The following NEO1 variants were observed in gnomAD, a reference collection of about 807,000 sequenced individuals.
NEO1 encodes the protein neogenin 1, also known as neogenin.
A neutral mutation model predicts 159.7 loss-of-function variants in NEO1; 63 were observed. The observed-to-expected ratio is 0.39, with a 90% CI of 0.32 to 0.49. NEO1 has a LOEUF of 0.49. NEO1 is among the 20% of genes least tolerant of loss of function. The probability of loss-of-function intolerance (pLI) is 0.85; values close to 1 mark genes in which losing one functional copy is unlikely to be tolerated. For missense variants in NEO1, 1,615 were observed against 1,831.0 expected, an observed-to-expected ratio of 0.88 and a Z score of 2.15; for synonymous variants, 633 against 662.0, an observed-to-expected ratio of 0.96 and a Z score of 0.67.
chr15:73,293,013 A>T (rs1361395452), intron 25 of NEO1, among the ~76,000 whole-genome samples: 1 of 152,244 alleles, frequency 6.6e-6, no homozygotes, highest in Non-Finnish European at 1.5e-5. Context: ...TTTGTGACAT[A>T]TTCAAATAGA....
At chr15:73,085,128 A>G (rs1288688265) in intron 1 of NEO1, among the ~76,000 whole-genome samples, 1 of 152,074 alleles carries the variant, frequency 6.6e-6, no homozygotes, top group East Asian at 1.9e-4. Flanking sequence ...CCCTTATGCC[A>G]GCTTTTTGTA....
Position 73,302,698 on chromosome 15 carries a change from G to A in NEO1, c.*2G>A, listed in dbSNP as rs528635559. ...CTAAACGCTATCACAACAGCATGACGACCTTCACCAGGACCTGACTTCAAA... is the reference window on the plus strand; with the variant it reads ...CTAAACGCTATCACAACAGCATGACAACCTTCACCAGGACCTGACTTCAAA... On this transcript the variant is annotated 3_prime_UTR_variant, in exon 29 of 29. Transcript: ENST00000261908. 5 of 1,613,480 alleles carry A rather than the reference G, an allele frequency of 3.1e-6. No homozygotes were observed. Among genetic ancestry groups the A allele is most frequent in the South Asian group, 2.2e-5 (2 of 90,934 alleles).
In NEO1 at chr15:73,294,388, G is replaced by A. The variant is rs546152499; in HGVS notation, c.3901+840G>A. ...ACCATTTGAAACTTGCCTATTAATAGTTATTATGTTACTGATAGAACTGAG... is the reference window on the plus strand; with the variant it reads ...ACCATTTGAAACTTGCCTATTAATAATTATTATGTTACTGATAGAACTGAG... On this transcript the variant is annotated intron_variant, in intron 26 of 28. Coordinates refer to ENST00000261908, the MANE Select transcript of NEO1 (RefSeq NM_002499.4). Among the ~76,000 whole-genome samples the A allele has an allele frequency of 5.9e-5, 9 of 152,230 alleles. No individual in the cohort carries two copies. The South Asian group carries it at 1.9e-3, about 32-fold the overall frequency.
intron 1 of NEO1, among the ~76,000 whole-genome samples, chr15:73,058,615 T>C (rs1248024109): frequency 6.6e-6 from 1 of 152,204 alleles, no homozygotes; most frequent in Non-Finnish European, 1.5e-5. Flanking sequence ...GTTCCATTTA[T>C]TGCAGAAAAG....
intron 23 of NEO1, among the ~76,000 whole-genome samples, 164 bp from the exon 24 acceptor site, chr15:73,288,149 C>CTTGTTGTTG (rs150219014): frequency 6.6e-6 from 1 of 151,728 alleles, no homozygotes; most frequent in Non-Finnish European, 1.5e-5. Flanking sequence ...CAGGAGCAAA[C>CTTGTTGTTG]TTGTTGTTGT....
intron 5 of NEO1, among the ~76,000 whole-genome samples, chr15:73,151,746 G>A (rs2033390657): frequency 6.6e-6 from 1 of 152,188 alleles, no homozygotes; most frequent in South Asian, 2.1e-4. Flanking sequence ...CCCACAACAT[G>A]TGGGGATTAT....
At chr15:73,201,412 A>G (rs1289959980) in intron 7 of NEO1, among the ~76,000 whole-genome samples, 1 of 151,976 alleles carries the variant, frequency 6.6e-6, no homozygotes, top group African/African-American at 2.4e-5. Flanking sequence ...ATTTAACGCT[A>G]CTGTCTGAAA....
intron 5 of NEO1, among the ~76,000 whole-genome samples, chr15:73,144,427 G>A (rs2032707218): frequency 6.6e-6 from 1 of 152,134 alleles, no homozygotes; most frequent in East Asian, 1.9e-4. Flanking sequence ...AAAGCTAAGT[G>A]CATTGACGTC....
At chr15:73,168,962 A>G (rs150291039) in intron 5 of NEO1, among the ~76,000 whole-genome samples, 2 of 152,206 alleles carry the variant, frequency 1.3e-5, no homozygotes, top group African/African-American at 4.8e-5. Flanking sequence ...AATGGACAAA[A>G]TTGATTTCTT....
intron 1 of NEO1, among the ~76,000 whole-genome samples, chr15:73,110,539 T>A (rs1490171304): frequency 1.3e-5 from 2 of 152,160 alleles, no homozygotes; most frequent in Non-Finnish European, 2.9e-5. Flanking sequence ...TTTGTTGATG[T>A]TGTTGGGAGT....
Position 73,149,045 on chromosome 15 carries a change from C to T in NEO1, c.1015+13018C>T, listed in dbSNP as rs910517268. ...CAAATACAGAGTTTTGTCCAGGGGC[C>T]GTAGCTCATGCCTGTAATCTCAGCA... On this transcript the variant is annotated intron_variant, in intron 5 of 28. Coordinates refer to ENST00000261908, the MANE Select transcript of NEO1 (RefSeq NM_002499.4). Among the ~76,000 whole-genome samples, 8 of 151,834 alleles carry T rather than the reference C, an allele frequency of 5.3e-5. No individual in the cohort carries two copies. In the East Asian group the frequency reaches 5.8e-4, roughly 11 times the overall value.
In NEO1 at chr15:73,253,346, G is replaced by A. The variant is rs189862920; in HGVS notation, c.1895-54G>A. 6 of 1,027,664 alleles carry A rather than the reference G, an allele frequency of 5.8e-6. No individual in the cohort carries two copies. In the East Asian group the frequency reaches 1.5e-4, roughly 26 times the overall value. The allele number at this position is 1,027,664 out of a possible 1,614,324, so 63.7% of individuals were successfully genotyped here. ...GTCCAGCCAAGATGATCACATGATG[G>A]GTGATGTATGGGTGATTAAAAAAAA... On this transcript the variant is annotated intron_variant, in intron 11 of 28. Coordinates refer to ENST00000261908, the MANE Select transcript of NEO1 (RefSeq NM_002499.4).
At chr15:73,060,008 A>G (rs964903391) in intron 1 of NEO1, among the ~76,000 whole-genome samples, 6 of 152,058 alleles carry the variant, frequency 3.9e-5, no homozygotes, top group Non-Finnish European at 8.8e-5. Context: ...AATTGAAAAC[A>G]GAATGTTTCT....
chr15:73,132,860 A>G (rs537620732), intron 4 of NEO1, among the ~76,000 whole-genome samples: 4 of 152,334 alleles, frequency 2.6e-5, no homozygotes, highest in African/African-American at 7.2e-5. Context: ...AAGAATGGCC[A>G]TAATCAAAAA....
chr15:73,159,994 C>T (rs562830440), intron 5 of NEO1, among the ~76,000 whole-genome samples: 1 of 152,018 alleles, frequency 6.6e-6, no homozygotes, highest in South Asian at 2.1e-4. Flanking sequence ...TGTGTATTTT[C>T]ATTTTGTGCA....
chr15:73,178,423 A>G lies in NEO1; in HGVS notation c.1287A>G (p.Glu429=). Residue 429 remains glutamate, a synonymous_variant, in exon 7 of 29, where the codon GAA becomes GAG. Transcript: ENST00000261908. ...CTGGAGCCCAACTGATAATCCTTGA[A>G]CATGGTAAGAAGGGCTGAAATAGTC... ...AQAGAQLIIL[E]HAPATTGPLP... 7 of 1,613,712 alleles carry G rather than the reference A, an allele frequency of 4.3e-6. No individual in the cohort carries two copies. The highest frequency in any genetic ancestry group is 5.9e-6 in the Non-Finnish European group (7 of 1,179,762).
intron 7 of NEO1, among the ~76,000 whole-genome samples, chr15:73,182,931 G>T (rs1255650012): frequency 6.6e-6 from 1 of 152,132 alleles, no homozygotes; most frequent in Non-Finnish European, 1.5e-5. Flanking sequence ...TTCACTTTTG[G>T]CAGAACACAA....
At position 73,152,326 on chromosome 15, in the gene NEO1, C is replaced by A. The variant is rs2033438554; in HGVS notation, c.1015+16299C>A. On this transcript the variant is annotated intron_variant, in intron 5 of 28. Transcript: ENST00000261908. Reference sequence around the variant, plus strand: ...TTTTAGGACCCTTCCCAAAGAGGGGCCCACCTCATATGCTGGAGGAAAGAA... The same window carrying A: ...TTTTAGGACCCTTCCCAAAGAGGGGACCACCTCATATGCTGGAGGAAAGAA... 2.0e-5 allele frequency among the ~76,000 whole-genome samples: 3 copies of A among 152,092 alleles called. No homozygotes were observed. The South Asian group carries it at 6.2e-4, about 32-fold the overall frequency.
intron 7 of NEO1, 92 bp from the exon 8 acceptor site, chr15:73,236,255 C>T: frequency 6.3e-7 from 1 of 1,579,806 alleles, no homozygotes; most frequent in Non-Finnish European, 8.7e-7. Flanking sequence ...GTGGTTTGCC[C>T]TTCATATTCC....
Sources: gnomAD v4.1 joint callset for allele counts (sites outside exome capture counted in the v4.1 genomes callset) on GRCh38, gnomAD v4.1.1 for gene constraint, MANE v1.5 for transcripts, NCBI Gene and HGNC (gene_info 2026-07-23, HGNC 2026-07-21) for gene names.